Variants in SPTBN2 observed in about 807,000 individuals in gnomAD.
The protein encoded by SPTBN2 is spectrin beta, non-erythrocytic 2.
Under a neutral mutation model 284.2 loss-of-function variants are expected in SPTBN2, and 107 were observed. The observed-to-expected ratio is 0.38, with a 90% CI of 0.32 to 0.44. The LOEUF is 0.44. Among genes scored for constraint, SPTBN2 ranks in the 20% least tolerant of loss-of-function variants. The probability of loss-of-function intolerance (pLI) is 1.00; values close to 1 mark genes in which losing one functional copy is unlikely to be tolerated. For synonymous variants in SPTBN2, 1,289 were observed against 1,354.8 expected, an observed-to-expected ratio of 0.95 and a Z score of 1.07; for missense variants, 2,569 against 3,287.1, an observed-to-expected ratio of 0.78 and a Z score of 5.34.
intron 1 of SPTBN2, among the ~76,000 whole-genome samples, chr11:66,737,145 G>T (rs565425849): frequency 6.6e-6 from 1 of 152,244 alleles, no homozygotes; most frequent in South Asian, 2.1e-4. Flanking sequence ...TACTTGTTTT[G>T]TATGTAGGCA....
chr11:66,711,969 A>G (rs564314407), intron 8 of SPTBN2, among the ~76,000 whole-genome samples: 1 of 152,328 alleles, frequency 6.6e-6, no homozygotes, highest in East Asian at 1.9e-4. Flanking sequence ...ACATCCACCC[A>G]GTGAACTTAA....
chr11:66,699,708 A>C, intron 17 of SPTBN2, 100 bp from the exon 18 acceptor site: 1 of 1,205,394 alleles, frequency 8.3e-7, no homozygotes, highest in South Asian at 1.2e-5. Flanking sequence ...GGGACCAACA[A>C]GCAGACAGGG....
chr11:66,687,036 A>G lies in SPTBN2; in HGVS notation c.6854T>C (p.Val2285Ala). ...TTTGCGCTTTCGGTAATCAAAGGCG[A>G]CGCTGCCCTGGGCCCTGGCCAGGCT... ...PVSLARAQGS[V>A]AFDYRKRKHV... Residue 2285 changes from valine (V) to alanine (A), a missense_variant, in exon 36 of 38, where the codon GTC becomes GCC. By Grantham distance (64) the Val-to-Ala change is moderately conservative. Around this residue, in one of 6 missense-constraint regions of SPTBN2, gnomAD observed 1,130 missense variants for 1,317.3 expected, o/e 0.86. Coordinates refer to ENST00000533211, the MANE Select transcript of SPTBN2 (RefSeq NM_006946.4). The surrounding 1 kb of genome is among the most constrained non-coding windows in gnomAD (Gnocchi z 5.2). 1 of 1,613,962 alleles carries G rather than the reference A, an allele frequency of 6.2e-7. No individual in the cohort carries two copies. Among genetic ancestry groups the G allele is most frequent in the South Asian group, 1.1e-5 (1 of 91,066 alleles).
chr11:66,733,666 A>G (rs1211937080), upstream of SPTBN2, among the ~76,000 whole-genome samples: 4 of 152,230 alleles, frequency 2.6e-5, no homozygotes, highest in African/African-American at 9.6e-5. Context: ...ACATCAGTGT[A>G]GAAATAGATG....
Position 66,696,375 on chromosome 11 carries a change from C to A in SPTBN2, c.4180G>T (p.Ala1394Ser). 2 of 1,613,420 alleles carry A rather than the reference C, an allele frequency of 1.2e-6. No individual in the cohort carries two copies. Among genetic ancestry groups the A allele is most frequent in the Non-Finnish European group, 1.7e-6 (2 of 1,180,040 alleles). The change falls in exon 21 of 38, where the codon GCC becomes TCC. Residue 1394 changes from alanine (A) to serine (S), a missense_variant. Transcript: ENST00000533211. ...RAELFAQSCC[A>S]LESWLESLQA... ...AGGCTCTCCAGCCAGCTCTCCAGGG[C>A]ACAGCAGCTCTGGGCAAACAGCTCA...
intron 5 of SPTBN2, among the ~76,000 whole-genome samples, chr11:66,714,879 C>G (rs955922665): frequency 6.6e-6 from 1 of 152,104 alleles, no homozygotes; most frequent in Non-Finnish European, 1.5e-5. Flanking sequence ...AGTGACCAGA[C>G]CCTCTAGAAG....
chr11:66,690,006 A>C, intron 28 of SPTBN2, 33 bp downstream of exon 28: 1 of 1,613,946 alleles, frequency 6.2e-7, no homozygotes, highest in Non-Finnish European at 8.5e-7. Context: ...CAGCCACACA[A>C]CCCGTGGAGG....
At chr11:66,698,100 G>A (rs1941031239) in intron 20 of SPTBN2, among the ~76,000 whole-genome samples, 1 of 152,190 alleles carries the variant, frequency 6.6e-6, no homozygotes, top group African/African-American at 2.4e-5. Context: ...CCAAGAACCA[G>A]GGACGGCAAG....
In SPTBN2 at chr11:66,707,058, G is replaced by C. The variant is rs1373333118; in HGVS notation, c.1653+458C>G. 6.6e-6 allele frequency among the ~76,000 whole-genome samples: 1 copy of C among 152,222 alleles called. No homozygotes were observed. The highest frequency in any genetic ancestry group is 2.4e-5 in the African/African-American group (1 of 41,456). ...TCAGTCCATGGCCCCCACTCCTCAT[G>C]CTCACAGCCCACCGGCCTTCCTTCT... On this transcript the variant is annotated intron_variant, in intron 13 of 37. Transcript: ENST00000533211. The surrounding 1 kb of genome is among the most constrained non-coding windows in gnomAD (Gnocchi z 4.9).
chr11:66,736,041 C>T (rs1354020670), intron 1 of SPTBN2, among the ~76,000 whole-genome samples: 1 of 152,106 alleles, frequency 6.6e-6, no homozygotes, highest in Non-Finnish European at 1.5e-5. Flanking sequence ...TCTTGGCCAG[C>T]TTGGGGCATG....
rs762105502 is a variant in SPTBN2, at chr11:66,700,745, C to T, written c.3354G>A (p.Gln1118=). ...GGGCTCGCAGCCGGCTATACTCGCT[C>T]TGGGCCCGCTCCACCTCTCCCCGCA... is the stretch of plus-strand genomic sequence containing the variant. ...AALRGEVERA[Q]SEYSRLRALG... is the part of the protein sequence containing the mutation. Residue 1118 remains glutamine, a synonymous_variant, in exon 17 of 38, where the codon CAG becomes CAA. Coordinates refer to ENST00000533211, the MANE Select transcript of SPTBN2 (RefSeq NM_006946.4). The surrounding 1 kb of genome is among the most constrained non-coding windows in gnomAD (Gnocchi z 6.6). The T allele has an allele frequency of 9.3e-5, 149 of 1,602,890 alleles. No individual in the cohort carries two copies. The highest frequency in any genetic ancestry group is 1.2e-4 in the Non-Finnish European group (144 of 1,179,794).
Position 66,715,916 on chromosome 11 carries a change from T to G in SPTBN2, c.223A>C (p.Thr75Pro). Reference protein sequence around the residue: ...KWVNSHLARVTCRVGDLYSDL... With the variant: ...KWVNSHLARVPCRVGDLYSDL... ...CTGTACAGGTCCCCCACCCGGCACG[T>G]GACCCGGGCCAGGTGCGAGTTTACC... Residue 75 changes from threonine to proline, a missense_variant, in exon 4 of 38, where the codon ACG (threonine) becomes CCG (proline). Thr to Pro is a conservative substitution (Grantham distance 38, BLOSUM62 -1). Coordinates refer to ENST00000533211, the MANE Select transcript of SPTBN2 (RefSeq NM_006946.4). This position sits in a 1 kb window ranked among gnomAD's most constrained non-coding sequence, Gnocchi z 5.3. 2 of 1,614,122 alleles carry G rather than the reference T, an allele frequency of 1.2e-6. No homozygotes were observed. The highest frequency in any genetic ancestry group is 2.2e-5 in the South Asian group (2 of 91,062).
Position 66,708,379 on chromosome 11 carries a change from T to C in SPTBN2, c.1192-80A>G. On this transcript the variant is annotated intron_variant, in intron 11 of 37. Coordinates refer to ENST00000533211, the MANE Select transcript of SPTBN2 (RefSeq NM_006946.4). This position sits in a 1 kb window ranked among gnomAD's most constrained non-coding sequence, Gnocchi z 4.4. ...GGCTGGAGGCACATGGTAAGTCCCA[T>C]GGAAGCTCGGTCTGGTGGATCCGTG... 1.4e-6 allele frequency: 2 copies of C among 1,387,748 alleles called. No individual in the cohort carries two copies. Among genetic ancestry groups the C allele is most frequent in the African/African-American group, 1.4e-5 (1 of 69,112 alleles). 86.0% of individuals were successfully genotyped at this position (1,387,748 alleles called of 1,614,324 possible). A position where few individuals can be genotyped will look rare whatever the true frequency, so the allele number is the denominator to read the frequency against.
In SPTBN2 at chr11:66,683,737, T is replaced by G. The variant is rs1225309353; in HGVS notation, c.*2134A>C. On this transcript the variant is annotated 3_prime_UTR_variant, in exon 38 of 38. Coordinates refer to ENST00000533211, the MANE Select transcript of SPTBN2 (RefSeq NM_006946.4). ...CGTGTTAAAATAATCATTTCTCTATTAATTTCTCCATATACATTTCCTTCT... is the reference window on the plus strand; with the variant it reads ...CGTGTTAAAATAATCATTTCTCTATGAATTTCTCCATATACATTTCCTTCT... Among the ~76,000 whole-genome samples the G allele has an allele frequency of 6.6e-6, 1 of 152,278 alleles. No homozygotes were observed. The highest frequency in any genetic ancestry group is 1.5e-5 in the Non-Finnish European group (1 of 68,052).
chr11:66,685,515 G>A lies in SPTBN2; in HGVS notation c.*356C>T. 3.1e-6 allele frequency: 1 copy of A among 327,650 alleles called. No homozygotes were observed. The highest frequency in any genetic ancestry group is 2.7e-5 in the South Asian group (1 of 36,418). The allele number at this position is 327,650 out of a possible 1,614,324, so 20.3% of individuals were successfully genotyped here. A position where few individuals can be genotyped will look rare whatever the true frequency, so the allele number is the denominator to read the frequency against. On this transcript the variant is annotated 3_prime_UTR_variant, in exon 38 of 38. Coordinates refer to ENST00000533211, the MANE Select transcript of SPTBN2 (RefSeq NM_006946.4). The surrounding 1 kb of genome is among the most constrained non-coding windows in gnomAD (Gnocchi z 4.4). ...AGAAGGCGAGTGCCCTCGCATGGCA[G>A]GAGAATGACCCTGAGGCAGGGGCAG...
At chr11:66,736,392 C>T (rs554081887) in intron 1 of SPTBN2, among the ~76,000 whole-genome samples, 5 of 152,258 alleles carry the variant, frequency 3.3e-5, no homozygotes, top group African/African-American at 9.6e-5. Context: ...CCCTCTCAAA[C>T]GATTTTTAAC....
chr11:66,704,840 G>A lies in SPTBN2; in HGVS notation c.2436C>T (p.Ala812=). 6.2e-7 allele frequency: 1 copy of A among 1,608,304 alleles called. No individual in the cohort carries two copies. Among genetic ancestry groups the A allele is most frequent in the Non-Finnish European group, 8.5e-7 (1 of 1,179,540 alleles). The stretch of plus-strand genomic sequence containing the variant: ...GCGTGCGGCTCAGTGTGGGGGGCAG[G>A]GCTGCTGCCTGTTCCCTCAAGGCGT... ...TLDALREQAA[A]LPPTLSRTPE... is the part of the protein sequence containing the mutation. The change falls in exon 15 of 38, where the codon GCC becomes GCT. Residue 812 remains alanine (A), a synonymous_variant. Coordinates refer to ENST00000533211, the MANE Select transcript of SPTBN2 (RefSeq NM_006946.4).
intron 21 of SPTBN2, among the ~76,000 whole-genome samples, chr11:66,695,186 C>G (rs1940836389): frequency 6.6e-6 from 1 of 152,224 alleles, no homozygotes; most frequent in Non-Finnish European, 1.5e-5. Context: ...CTGCATTCTT[C>G]AGAGCAGGGA....
At position 66,705,159 on chromosome 11, in the gene SPTBN2, T is replaced by C. The variant is rs1451810695; in HGVS notation, c.2117A>G (p.Gln706Arg). Residue 706 changes from glutamine to arginine, a missense_variant, in exon 15 of 38, where the codon CAG becomes CGG. Gln to Arg is a conservative substitution (Grantham distance 43). This residue lies in a region of SPTBN2 where 1,012 missense variants were observed against 1,248.9 expected (regional missense o/e 0.81). Transcript: ENST00000533211. ...PLKLTLEQGQ[Q>R]LVAEGHPGAS... ...CCCAGGGTGACCCTCGGCCACCAAC[T>C]GCTGGCCCTGCTCCAGGGTGAGCTT... 5 of 1,535,454 alleles carry C rather than the reference T, an allele frequency of 3.3e-6. No homozygotes were observed. Among genetic ancestry groups the C allele is most frequent in the East Asian group, 2.5e-5 (1 of 40,796 alleles).
Sources: allele counts gnomAD v4.1 joint callset (sites outside exome capture counted in the v4.1 genomes callset), GRCh38; gene constraint gnomAD v4.1.1; regional missense constraint gnomAD v4.1.1; non-coding constraint Gnocchi (gnomAD v3.1); transcripts MANE v1.5; gene names NCBI Gene and HGNC (gene_info 2026-07-23, HGNC 2026-07-21).